The following CASP2 variants were observed in gnomAD, a reference collection of about 807,000 sequenced individuals.
CASP2 encodes caspase 2.
Under a neutral mutation model 54.4 loss-of-function variants are expected in CASP2, and 38 were observed. The ratio of observed to expected loss-of-function variants is 0.70; its 90% confidence interval spans 0.54 to 0.92. The LOEUF (loss-of-function observed/expected upper bound fraction) is 0.92. CASP2 is among the 40% of genes least tolerant of loss of function. CASP2 has a pLI of 0.00. For synonymous variants in CASP2, 215 were observed against 216.3 expected (o/e 0.99, Z 0.05); for missense variants, 512 against 579.6 (o/e 0.88, Z 1.20).
intron 6 of CASP2, chr7:143,298,539 A>G (rs1454815826): frequency 2.6e-5 from 4 of 152,248 alleles, no homozygotes; most frequent in Non-Finnish European, 5.9e-5. Flanking sequence ...GCACATGCCT[A>G]TGGTCCCAGC....
chr7:143,294,499 G>A (rs1801684158), intron 5 of CASP2, 98 bp from the exon 6 acceptor site: 1 of 1,288,124 alleles, frequency 7.8e-7, no homozygotes, highest in South Asian at 1.2e-5. Context: ...AGGTTAAGAA[G>A]AAAAATACGA....
Position 143,304,661 on chromosome 7 carries a change from CT to C in CASP2, c.1118-9del. On this transcript the variant is annotated splice_polypyrimidine_tract_variant and intron_variant, in intron 9 of 10. Coordinates refer to ENST00000310447, the MANE Select transcript of CASP2 (RefSeq NM_032982.4). ...TGGCATTCACACTGTGATTAATGCC[CT>C]TTTGGTTGCAGGGACTGCCGCCATG... 1 of 1,606,536 alleles carries C rather than the reference CT, an allele frequency of 6.2e-7. No homozygotes were observed. The highest frequency in any genetic ancestry group is 1.1e-5 in the South Asian group (1 of 90,886).
intron 10 of CASP2, 27 bp downstream of exon 10, chr7:143,304,810 G>A: frequency 2.5e-6 from 4 of 1,606,908 alleles, no homozygotes; most frequent in Non-Finnish European, 3.4e-6. Context: ...CGTGACCCCT[G>A]TGTGTCTCCA....
At position 143,289,101 on chromosome 7, in the gene CASP2, A is replaced by G. The variant is rs4647283; in HGVS notation, c.74+572A>G. 8.0e-3 allele frequency among the ~76,000 whole-genome samples: 1,212 copies of G among 152,286 alleles called. 7 individuals carry two copies. The highest frequency in any genetic ancestry group is 0.013 in the Non-Finnish European group (882 of 67,998). Reference sequence around the variant, plus strand: ...GAGTGTCCATGCCTCTGCCCCGGTCATTCCATTTCATGGCAGTCATCACCC... The same window carrying G: ...GAGTGTCCATGCCTCTGCCCCGGTCGTTCCATTTCATGGCAGTCATCACCC... On this transcript the variant is annotated intron_variant, in intron 1 of 10. Coordinates refer to ENST00000310447, the MANE Select transcript of CASP2 (RefSeq NM_032982.4).
Position 143,305,299 on chromosome 7 carries a change from T to C in CASP2, c.*228T>C, listed in dbSNP as rs1280515130. On this transcript the variant is annotated 3_prime_UTR_variant, in exon 11 of 11. Coordinates refer to ENST00000310447, the MANE Select transcript of CASP2 (RefSeq NM_032982.4). ...GTAGAGCCAGCCTTGGTTGGACCTA[T>C]TGCCAGGAATGTTTCAGCTGCAGTT... The C allele has an allele frequency of 4.9e-6, 3 of 606,152 alleles. No homozygotes were observed. The highest frequency in any genetic ancestry group is 8.9e-6 in the Non-Finnish European group (3 of 338,782). The allele number at this position is 606,152 out of a possible 1,614,324, so 37.5% of individuals were successfully genotyped here. A position where few individuals can be genotyped will look rare whatever the true frequency, so the allele number is the denominator to read the frequency against.
chr7:143,288,472 C>G lies in CASP2; in HGVS notation c.17C>G (p.Ala6Gly), dbSNP rs763906927. 7 of 1,613,022 alleles carry G rather than the reference C, an allele frequency of 4.3e-6. No individual in the cohort carries two copies. The South Asian group carries it at 6.6e-5, about 15-fold the overall frequency. Residue 6 changes from alanine (A) to glycine (G), a missense_variant, in exon 1 of 11, where the codon GCG becomes GGG. By Grantham distance (60) the Ala-to-Gly change is moderately conservative (BLOSUM62 0). Around this residue, in one of 3 missense-constraint regions of CASP2, gnomAD observed 89 missense variants for 67.1 expected, o/e 1.33. Coordinates refer to ENST00000310447, the MANE Select transcript of CASP2 (RefSeq NM_032982.4). ...AAGCGGGAAATGGCGGCGCCGAGCG[C>G]GGGGTCTTGGTCCACCTTCCAGCAC... MAAPSAGSWSTFQHKE... is the reference protein window; with the variant it reads MAAPSGGSWSTFQHKE...
At chr7:143,289,297 C>G (rs1306535042) in intron 1 of CASP2, among the ~76,000 whole-genome samples, 1 of 152,184 alleles carries the variant, frequency 6.6e-6, no homozygotes, top group South Asian at 2.1e-4. Context: ...TTATAATGTT[C>G]ACGTTTAAGA....
At chr7:143,288,601 C>T (rs1336943703) in intron 1 of CASP2, 72 bp downstream of exon 1, 9 of 1,310,682 alleles carry the variant, frequency 6.9e-6, no homozygotes, top group Non-Finnish European at 9.7e-6. Context: ...AGGCGTGCGG[C>T]CCTGCAGCCC....
intron 6 of CASP2, among the ~76,000 whole-genome samples, chr7:143,298,201 GTTATA>G (rs1267012081): frequency 6.6e-6 from 1 of 152,184 alleles, no homozygotes; most frequent in Non-Finnish European, 1.5e-5. Context: ...ACTGCAATAT[GTTATA>G]TTATAGAAGT....
intron 1 of CASP2, 75 bp from the exon 2 acceptor site, chr7:143,291,465 T>G: frequency 7.1e-7 from 1 of 1,400,948 alleles, no homozygotes; most frequent in Non-Finnish European, 1.0e-6. Flanking sequence ...GTTCTTCCTA[T>G]TCATGCCTCT....
chr7:143,296,327 C>G (rs1050422284), intron 6 of CASP2, among the ~76,000 whole-genome samples: 2 of 152,124 alleles, frequency 1.3e-5, no homozygotes, highest in Admixed American at 6.5e-5. Context: ...ATGTGAGCTG[C>G]CACAGATTTT....
At chr7:143,296,563 G>A (rs1801757506) in intron 6 of CASP2, among the ~76,000 whole-genome samples, 1 of 152,176 alleles carries the variant, frequency 6.6e-6, no homozygotes, top group Admixed American at 6.5e-5. Context: ...CCCTAGGCAG[G>A]GAGAACAGTA....
Position 143,294,543 on chromosome 7 carries a change from G to A in CASP2, c.571-54G>A, listed in dbSNP as rs1229583903. ...TTTTCTTGAAATGTCTAATCTAGCC[G>A]AGGAATCATCTGTTATCAAGACGCT... On this transcript the variant is annotated intron_variant, in intron 5 of 10. Transcript: ENST00000310447. 1.1e-5 allele frequency: 16 copies of A among 1,505,624 alleles called. No homozygotes were observed. In the East Asian group the frequency reaches 1.6e-4, roughly 15 times the overall value. 93.3% of individuals were successfully genotyped at this position (1,505,624 alleles called of 1,614,324 possible).
intron 6 of CASP2, among the ~76,000 whole-genome samples, chr7:143,299,532 TTCATAGCTA>T: frequency 6.6e-6 from 1 of 152,364 alleles, no homozygotes; most frequent in East Asian, 1.9e-4. Context: ...ATGTTACTTA[TTCATAGCTA>T]CACTTTGAGT....
At chr7:143,297,431 G>A (rs1475177635) in intron 6 of CASP2, among the ~76,000 whole-genome samples, 2 of 151,974 alleles carry the variant, frequency 1.3e-5, no homozygotes, top group South Asian at 2.1e-4. Flanking sequence ...CGGTGCCCAG[G>A]TATATAATTT....
At chr7:143,293,588 C>A (rs559427655) in intron 4 of CASP2, among the ~76,000 whole-genome samples, 1 of 151,734 alleles carries the variant, frequency 6.6e-6, no homozygotes, top group South Asian at 2.1e-4. Flanking sequence ...CGGCTCACTG[C>A]AAACTCTGCC....
chr7:143,301,105 T>C (rs1442463553), intron 8 of CASP2: 1 of 192,334 alleles, frequency 5.2e-6, no homozygotes, highest in Non-Finnish European at 9.9e-6. Flanking sequence ...AAGGTGCTTG[T>C]GATGGTTAAA....
chr7:143,298,779 A>T (rs1166566280), intron 6 of CASP2: 3 of 152,024 alleles, frequency 2.0e-5, no homozygotes, highest in African/African-American at 7.2e-5. Context: ...TAGTCACTGC[A>T]CTCAAGCCTG....
rs1319642853 is a variant in CASP2, at chr7:143,288,539, G to A, written c.74+10G>A. The stretch of plus-strand genomic sequence containing the variant: ...CTGACAGGGGACGCAGGTAAGTAGG[G>A]AACGGTCTTAGGGCTCCTTAGGGGA... On this transcript the variant is annotated intron_variant, in intron 1 of 10. Coordinates refer to ENST00000310447, the MANE Select transcript of CASP2 (RefSeq NM_032982.4). 4 of 1,612,154 alleles carry A rather than the reference G, an allele frequency of 2.5e-6. No individual in the cohort carries two copies. Among genetic ancestry groups the A allele is most frequent in the Admixed American group, 1.7e-5 (1 of 59,974 alleles).
Sources: gnomAD v4.1 joint callset for allele counts (sites outside exome capture counted in the v4.1 genomes callset) on GRCh38, gnomAD v4.1.1 for gene constraint, gnomAD v4.1.1 regional missense constraint, MANE v1.5 for transcripts, NCBI Gene and HGNC (gene_info 2026-07-23, HGNC 2026-07-21) for gene names.